BNIP2: variants seen among roughly 807,000 people sequenced by gnomAD.
BNIP2 encodes the protein BCL2/adenovirus E1B 19 kDa protein-interacting protein 2.
BNIP2 carries 36 observed loss-of-function variants against 43.4 expected under a neutral mutation model. That is an observed-to-expected ratio of 0.83 (90% CI 0.64 to 1.10). The LOEUF (loss-of-function observed/expected upper bound fraction) is 1.10, where lower values mean the gene tolerates loss of function less well. Ranked by LOEUF, BNIP2 falls within the 50% of genes least tolerant of loss-of-function variation. BNIP2 has a pLI of 0.00. For synonymous variants in BNIP2, 146 were observed against 121.0 expected (o/e 1.21, Z -1.35); for missense variants, 417 against 374.1 (o/e 1.11, Z -0.95).
At chr15:59,669,219 A>T (rs1410944751) in intron 8 of BNIP2, 57 bp downstream of exon 8, 1 of 1,254,648 alleles carries the variant, frequency 8.0e-7, no homozygotes, top group Non-Finnish European at 1.1e-6. Context: ...TTATGTGTTA[A>T]CTAAAAATAA....
Position 59,678,264 on chromosome 15 carries a change from G to T in BNIP2, c.296-177C>A, listed in dbSNP as rs74019670. On this transcript the variant is annotated intron_variant, in intron 4 of 9. Coordinates refer to ENST00000607373, the MANE Select transcript of BNIP2 (RefSeq NM_004330.4). ...TATTCTTAACATGAGGCTGTTTTAT[G>T]TCTTTGGAAATCATGGTTCTTTAAC... 2.2e-3 allele frequency: 2,938 copies of T among 1,337,270 alleles called. 52 individuals are homozygous for T. The African/African-American group carries it at 0.036, about 16-fold the overall frequency. 82.8% of individuals were successfully genotyped at this position (1,337,270 alleles called of 1,614,324 possible). A position where few individuals can be genotyped will look rare whatever the true frequency, so the allele number is the denominator to read the frequency against.
chr15:59,664,455 C>A (rs1295891361), intron 9 of BNIP2, among the ~76,000 whole-genome samples: 1 of 152,132 alleles, frequency 6.6e-6, no homozygotes, highest in African/African-American at 2.4e-5. Context: ...AATCTCAGCT[C>A]GCTGCAATCT....
intron 1 of BNIP2, chr15:59,688,615 G>T: frequency 8.1e-7 from 1 of 1,239,550 alleles, no homozygotes; most frequent in Non-Finnish European, 1.1e-6. Context: ...ATTCACGCGG[G>T]GACTCGGCTT....
chr15:59,679,494 T>C, intron 4 of BNIP2, 98 bp downstream of exon 4: 1 of 1,312,672 alleles, frequency 7.6e-7, no homozygotes, highest in Non-Finnish European at 1.0e-6. Context: ...TTTCCTATCT[T>C]AGTAACAAAT....
In BNIP2 at chr15:59,663,557, A is replaced by G. The variant is rs1331761867; in HGVS notation, c.*512T>C. ...AGTTTAACCATCTGTTGCCTTATGAAAAACTTAATTTCCTAAGTTACCCAG... is the reference window on the plus strand; with the variant it reads ...AGTTTAACCATCTGTTGCCTTATGAGAAACTTAATTTCCTAAGTTACCCAG... On this transcript the variant is annotated 3_prime_UTR_variant, in exon 10 of 10. Transcript: ENST00000607373. 6.6e-6 allele frequency: 1 copy of G among 152,668 alleles called. No individual in the cohort carries two copies. The highest frequency in any genetic ancestry group is 1.5e-5 in the Non-Finnish European group (1 of 68,058). The allele number at this position is 152,668 out of a possible 1,614,324, so 9.5% of individuals were successfully genotyped here. A position where few individuals can be genotyped will look rare whatever the true frequency, so the allele number is the denominator to read the frequency against.
chr15:59,683,134 A>T (rs1274682419), intron 1 of BNIP2, among the ~76,000 whole-genome samples: 1 of 152,236 alleles, frequency 6.6e-6, no homozygotes, highest in Non-Finnish European at 1.5e-5. Flanking sequence ...ATGTTTTCAA[A>T]CACTGAACTT....
At chr15:59,674,445 A>C (rs746883326) in intron 5 of BNIP2, among the ~76,000 whole-genome samples, 1 of 152,252 alleles carries the variant, frequency 6.6e-6, no homozygotes, top group Non-Finnish European at 1.5e-5. Context: ...ATCAGGTCTT[A>C]TAATTTGATT....
At chr15:59,688,713 C>T in intron 1 of BNIP2, 1 of 1,535,632 alleles carries the variant, frequency 6.5e-7, no homozygotes, top group Non-Finnish European at 8.7e-7. Context: ...TGTCTATTCC[C>T]CGCGGTTACG....
At chr15:59,668,777 C>T (rs553803647) in intron 9 of BNIP2, 115 bp downstream of exon 9, 71 of 868,326 alleles carry the variant, frequency 8.2e-5, no homozygotes, top group East Asian at 2.3e-4. Context: ...CACACACGCG[C>T]GCGCGCGCAC....
At chr15:59,674,554 A>G (rs1305923381) in intron 5 of BNIP2, among the ~76,000 whole-genome samples, 1 of 152,188 alleles carries the variant, frequency 6.6e-6, no homozygotes, top group African/African-American at 2.4e-5. Flanking sequence ...GAAGAATGCA[A>G]CTACAAATAT....
At position 59,661,038 on chromosome 15, in the gene BNIP2, C is replaced by T. The variant is rs1171267194; in HGVS notation, c.*3031G>A. On this transcript the variant is annotated 3_prime_UTR_variant, in exon 10 of 10. Transcript: ENST00000607373. ...ATCAGCAGTCACATATGGTACTTCC[C>T]TTAAAAGGACACACATGGCCGGGCG... 6.6e-6 allele frequency: 1 copy of T among 152,130 alleles called. No individual in the cohort carries two copies. Among genetic ancestry groups the T allele is most frequent in the Admixed American group, 6.6e-5 (1 of 15,258 alleles). The allele number at this position is 152,130 out of a possible 1,614,324, so 9.4% of individuals were successfully genotyped here.
Position 59,682,271 on chromosome 15 carries a change from G to A in BNIP2, c.50+137C>T, listed in dbSNP as rs572835653. On this transcript the variant is annotated intron_variant, in intron 2 of 9. Coordinates refer to ENST00000607373, the MANE Select transcript of BNIP2 (RefSeq NM_004330.4). ...GAATCCAGGAGGCGGAGGTTGCAGTGAGCTGAGATCGCGCCACTGCACTCC... is the reference window on the plus strand; with the variant it reads ...GAATCCAGGAGGCGGAGGTTGCAGTAAGCTGAGATCGCGCCACTGCACTCC... 61 of 630,438 alleles carry A rather than the reference G, an allele frequency of 9.7e-5. No homozygotes were observed. The African/African-American group carries it at 1.0e-3, about 10-fold the overall frequency. 39.1% of individuals were successfully genotyped at this position (630,438 alleles called of 1,614,324 possible).
rs984571637 is a variant in BNIP2 at position 59,662,550 on chromosome 15, A to T, written c.*1519T>A. On this transcript the variant is annotated 3_prime_UTR_variant, in exon 10 of 10. Coordinates refer to ENST00000607373, the MANE Select transcript of BNIP2 (RefSeq NM_004330.4). The stretch of plus-strand genomic sequence containing the variant: ...TAGCATGCCAAGTTTAGGACTGAGG[A>T]GGACAAAAAATATAGGAAAGTTCCC... 1.3e-5 allele frequency: 2 copies of T among 152,242 alleles called. No homozygotes were observed. Among genetic ancestry groups the T allele is most frequent in the Non-Finnish European group, 2.9e-5 (2 of 68,052 alleles). The allele number at this position is 152,242 out of a possible 1,614,324, so 9.4% of individuals were successfully genotyped here.
chr15:59,672,532 A>C (rs1892996807), intron 6 of BNIP2, 105 bp downstream of exon 6: 1 of 822,584 alleles, frequency 1.2e-6, no homozygotes, highest in African/African-American at 1.7e-5. Context: ...TCAGTCTCCC[A>C]AAGAACTGGA....
At chr15:59,687,350 T>A (rs68080654) in intron 1 of BNIP2, among the ~76,000 whole-genome samples, 1 of 57,864 alleles carries the variant, frequency 1.7e-5, no homozygotes, top group African/African-American at 4.5e-5. Flanking sequence ...CATCTTTTCA[T>A]CCTTTTTTTT....
chr15:59,683,274 G>C (rs935525895), intron 1 of BNIP2, among the ~76,000 whole-genome samples: 4 of 152,156 alleles, frequency 2.6e-5, no homozygotes, highest in African/African-American at 9.7e-5. Flanking sequence ...ACTCCCTCTG[G>C]TGATGGAGTA....
rs1219285276 is a variant in BNIP2 at position 59,662,301 on chromosome 15, T to C, written c.*1768A>G. 6.6e-6 allele frequency: 1 copy of C among 152,252 alleles called. No homozygotes were observed. Among genetic ancestry groups the C allele is most frequent in the Non-Finnish European group, 1.5e-5 (1 of 68,036 alleles). The allele number at this position is 152,252 out of a possible 1,614,324, so 9.4% of individuals were successfully genotyped here. On this transcript the variant is annotated 3_prime_UTR_variant, in exon 10 of 10. Coordinates refer to ENST00000607373, the MANE Select transcript of BNIP2 (RefSeq NM_004330.4). Reference sequence around the variant, plus strand: ...TTGTTTATACATAATCCTTATATGGTAAATTCAGAAGGAATGCCTAACTTG... The same window carrying C: ...TTGTTTATACATAATCCTTATATGGCAAATTCAGAAGGAATGCCTAACTTG...
At chr15:59,672,001 G>A (rs189615738) in intron 6 of BNIP2, among the ~76,000 whole-genome samples, 20 of 152,248 alleles carry the variant, frequency 1.3e-4, no homozygotes, top group Non-Finnish European at 2.5e-4. Context: ...GCTTGAGCCC[G>A]TGAGGTCAAG....
At chr15:59,684,586 T>C (rs1412362620) in intron 1 of BNIP2, among the ~76,000 whole-genome samples, 2 of 152,222 alleles carry the variant, frequency 1.3e-5, no homozygotes, top group Non-Finnish European at 2.9e-5. Flanking sequence ...AAGCATGCTA[T>C]GACTAAAGGC....
Sources: allele counts gnomAD v4.1 joint callset (sites outside exome capture counted in the v4.1 genomes callset), GRCh38; gene constraint gnomAD v4.1.1; transcripts MANE v1.5; gene names NCBI Gene and HGNC (gene_info 2026-07-23, HGNC 2026-07-21).